Variants in MID2 observed in about 807,000 individuals in gnomAD.
MID2 encodes the protein midline 2, also known as probable E3 ubiquitin-protein ligase MID2.
In MID2, 13 loss-of-function variants were observed where a neutral mutation model predicts 46.1. The ratio of observed to expected loss-of-function variants is 0.28; its 90% CI spans 0.18 to 0.45. The LOEUF is 0.45. Among genes scored for constraint, MID2 ranks in the 20% least tolerant of loss-of-function variants. MID2 has a pLI of 1.00. For synonymous variants in MID2, 199 were observed against 212.3 expected (o/e 0.94, Z 0.55); for missense variants, 431 against 575.4 (o/e 0.75, Z 2.57).
chrX:107,907,986 C>T (rs1932851010), intron 5 of MID2, among the ~76,000 whole-genome samples: 1 of 111,551 alleles, frequency 9.0e-6, no homozygotes, highest in Non-Finnish European at 1.9e-5. Flanking sequence ...ACTTTTATCC[C>T]CATTTTATAA....
chrX:107,918,269 A>G (rs17326710), intron 7 of MID2, among the ~76,000 whole-genome samples: 6,970 of 111,001 alleles, frequency 0.063, 206 homozygotes, highest in East Asian at 0.15. Context: ...GGAGCAAGAC[A>G]AAACAGAGTA....
intron 2 of MID2, among the ~76,000 whole-genome samples, chrX:107,844,489 A>T (rs190908186): frequency 9.0e-6 from 1 of 111,689 alleles, no homozygotes; most frequent in Non-Finnish European, 1.9e-5. Context: ...TATATGGGGC[A>T]TTTCTATAAA....
intron 3 of MID2, among the ~76,000 whole-genome samples, chrX:107,878,062 A>T (rs142033425): frequency 0.019 from 2,109 of 110,845 alleles, 40 homozygotes; most frequent in African/African-American, 0.066. Flanking sequence ...TGCTCTATGC[A>T]AATGGGTTCC....
chrX:107,873,868 C>T (rs1263783706), intron 3 of MID2, among the ~76,000 whole-genome samples: 2 of 110,134 alleles, frequency 1.8e-5, no homozygotes, highest in Non-Finnish European at 1.9e-5. Context: ...GGAAGTTTCT[C>T]GCTTTCCAGA....
At chrX:107,911,254 T>G (rs983607333) in intron 5 of MID2, among the ~76,000 whole-genome samples, 2 of 111,553 alleles carry the variant, frequency 1.8e-5, no homozygotes, top group Admixed American at 1.9e-4. Flanking sequence ...CTTGTATTAT[T>G]TGCTAATAAT....
intron 2 of MID2, among the ~76,000 whole-genome samples, chrX:107,846,717 T>C (rs1294705427): frequency 2.7e-5 from 3 of 112,083 alleles, no homozygotes; most frequent in Non-Finnish European, 5.6e-5. Flanking sequence ...TTTTGGAAGA[T>C]GTTTTCCATT....
At chrX:107,851,151 C>G (rs1162745054) in intron 2 of MID2, among the ~76,000 whole-genome samples, 1 of 111,440 alleles carries the variant, frequency 9.0e-6, no homozygotes, top group Non-Finnish European at 1.9e-5. Context: ...GATTCACTAC[C>G]AATTCCCACT....
chrX:107,890,287 T>C (rs963672607), intron 3 of MID2, among the ~76,000 whole-genome samples: 1 of 112,124 alleles, frequency 8.9e-6, no homozygotes, highest in Non-Finnish European at 1.9e-5. Context: ...GACGTACAGA[T>C]GGGGTTTTGG....
rs137956768 is a variant in MID2 at position 107,858,144 on chromosome X, T to A, written c.816+3440T>A. 3.3e-3 allele frequency among the ~76,000 whole-genome samples: 370 copies of A among 112,336 alleles called. 2 individuals are homozygous for A. The highest frequency in any genetic ancestry group is 0.011 in the African/African-American group (350 of 30,908). On this transcript the variant is annotated intron_variant, in intron 3 of 9. Coordinates refer to ENST00000262843, the MANE Select transcript of MID2 (RefSeq NM_012216.4). ...CTACAGATTTGTTAGCTGACTTCTA[T>A]GGTAATGTAGCTTGTTATAATTGCT...
At chrX:107,917,008 G>A (rs1253694050) in intron 6 of MID2, among the ~76,000 whole-genome samples, 2 of 111,740 alleles carry the variant, frequency 1.8e-5, no homozygotes, top group Non-Finnish European at 3.8e-5. Flanking sequence ...AGATGTGGTG[G>A]TGGGTGCCTG....
At chrX:107,874,691 C>T (rs752462427) in intron 3 of MID2, among the ~76,000 whole-genome samples, 54 of 112,334 alleles carry the variant, frequency 4.8e-4, no homozygotes, top group African/African-American at 1.6e-3. Context: ...GCCTGAGTAT[C>T]CTTTATTAGG....
At chrX:107,853,686 T>C (rs1364946722) in intron 2 of MID2, among the ~76,000 whole-genome samples, 2 of 111,386 alleles carry the variant, frequency 1.8e-5, no homozygotes, top group South Asian at 3.9e-4. Flanking sequence ...GAAGGAAAGC[T>C]GTGAGATACA....
At chrX:107,836,239 A>G (rs1006115428) in intron 1 of MID2, among the ~76,000 whole-genome samples, 7 of 111,666 alleles carry the variant, frequency 6.3e-5, no homozygotes, top group Non-Finnish European at 1.3e-4. Flanking sequence ...CTTAGAAACA[A>G]GTGTGACCTT....
chrX:107,837,106 G>A (rs1298153825), intron 1 of MID2, among the ~76,000 whole-genome samples: 1 of 111,696 alleles, frequency 9.0e-6, no homozygotes, highest in Non-Finnish European at 1.9e-5. Flanking sequence ...CTTACCCAAA[G>A]CAATCCTGAC....
At chrX:107,915,000 A>G (rs1932945317) in intron 5 of MID2, among the ~76,000 whole-genome samples, 1 of 112,375 alleles carries the variant, frequency 8.9e-6, no homozygotes, top group Non-Finnish European at 1.9e-5. Flanking sequence ...TAAATTAGAT[A>G]GTGTATGTAA....
chrX:107,902,071 C>T (rs73533430), intron 3 of MID2, among the ~76,000 whole-genome samples: 2,060 of 111,503 alleles, frequency 0.018, 48 homozygotes, highest in African/African-American at 0.064. Flanking sequence ...TCTCTCAGCC[C>T]AAATCTCATC....
intron 3 of MID2, among the ~76,000 whole-genome samples, chrX:107,857,405 C>T (rs1013961308): frequency 1.8e-5 from 2 of 110,599 alleles, no homozygotes; most frequent in African/African-American, 3.3e-5. Context: ...CTCAGCCTCC[C>T]GACTAGCTGG....
At chrX:107,887,553 G>A (rs1223909860) in intron 3 of MID2, among the ~76,000 whole-genome samples, 14 of 111,574 alleles carry the variant, frequency 1.3e-4, no homozygotes, top group African/African-American at 4.2e-4. Context: ...TTTTTGCATC[G>A]ATGTTCATCA....
chrX:107,879,864 A>T (rs965439468), intron 3 of MID2, among the ~76,000 whole-genome samples: 1 of 110,913 alleles, frequency 9.0e-6, no homozygotes, highest in African/African-American at 3.3e-5. Context: ...CCATGAATAT[A>T]AGGGAAGAAT....
Sources: gnomAD v4.1 joint callset for allele counts (sites outside exome capture counted in the v4.1 genomes callset) on GRCh38, gnomAD v4.1.1 for gene constraint, MANE v1.5 for transcripts, NCBI Gene and HGNC (gene_info 2026-07-23, HGNC 2026-07-21) for gene names.